The following SAE1 variants were observed in gnomAD, a reference collection of about 807,000 sequenced individuals.
SAE1 encodes the protein SUMO-activating enzyme subunit 1.
SAE1 carries 11 observed loss-of-function variants against 40.6 expected under a neutral mutation model. The ratio of observed to expected loss-of-function variants is 0.27; its 90% CI spans 0.17 to 0.45. SAE1 has a LOEUF of 0.45. SAE1 is among the 20% of genes least tolerant of loss of function. The probability of loss-of-function intolerance (pLI) is 1.00; values close to 1 mark genes in which losing one functional copy is unlikely to be tolerated. For synonymous variants in SAE1, 155 were observed against 154.3 expected, an observed-to-expected ratio of 1.00 and a Z score of -0.03; for missense variants, 373 against 427.3, an observed-to-expected ratio of 0.87 and a Z score of 1.12.
chr19:47,138,608 T>C (rs1007529233), intron 1 of SAE1, among the ~76,000 whole-genome samples: 2 of 152,222 alleles, frequency 1.3e-5, no homozygotes, highest in Non-Finnish European at 2.9e-5. Flanking sequence ...ATGTCCTAAA[T>C]GCCAAGGAAG....
intron 6 of SAE1, among the ~76,000 whole-genome samples, chr19:47,175,096 A>C (rs1245909109): frequency 1.3e-5 from 2 of 150,310 alleles, no homozygotes; most frequent in African/African-American, 4.9e-5. Context: ...AATAATTTAA[A>C]AGTGGCCTTG....
intron 1 of SAE1, among the ~76,000 whole-genome samples, chr19:47,133,605 G>T (rs1283128925): frequency 2.6e-5 from 4 of 152,164 alleles, no homozygotes; most frequent in Admixed American, 6.6e-5. Context: ...CTGGACTGTT[G>T]CAGTAATCCA....
intron 1 of SAE1, among the ~76,000 whole-genome samples, chr19:47,137,696 C>G (rs1430098781): frequency 6.7e-6 from 1 of 148,412 alleles, no homozygotes; most frequent in Non-Finnish European, 1.5e-5. Flanking sequence ...CCGTAACACT[C>G]AGCTGATTGT....
chr19:47,194,219 C>T (rs1474973200), intron 6 of SAE1, among the ~76,000 whole-genome samples: 3 of 152,140 alleles, frequency 2.0e-5, no homozygotes, highest in African/African-American at 7.2e-5. Flanking sequence ...AAGTAAGTGC[C>T]AGGCTGGTGG....
At chr19:47,174,293 C>CTTTTTTT in intron 6 of SAE1, among the ~76,000 whole-genome samples, 1 of 144,040 alleles carries the variant, frequency 6.9e-6, no homozygotes, top group Admixed American at 7.0e-5. Flanking sequence ...TTTCTTTTTT[C>CTTTTTTT]TTTTTCTTTT....
In SAE1 at chr19:47,209,167, T is replaced by A. The variant is rs2058700327; in HGVS notation, c.957T>A (p.Ser319=). Residue 319 remains serine (S), a synonymous_variant, in exon 9 of 9, where the codon TCT becomes TCA. Transcript: ENST00000270225. ...ILAQEIVKAL[S]QRDPPHNNFF... is the part of the protein sequence containing the mutation. ...TTCATTTTTCTCCCCAGGCCCTGTC[T>A]CAGCGGGACCCTCCTCACAACAACT... 2 of 1,613,788 alleles carry A rather than the reference T, an allele frequency of 1.2e-6. No individual in the cohort carries two copies. The highest frequency in any genetic ancestry group is 2.7e-5 in the African/African-American group (2 of 74,856).
At chr19:47,195,177 CCTGA>C (rs2058606096) in intron 6 of SAE1, among the ~76,000 whole-genome samples, 1 of 151,570 alleles carries the variant, frequency 6.6e-6, no homozygotes, top group East Asian at 1.9e-4. Flanking sequence ...GCCTCAGCCT[CCTGA>C]CTAAGTGGGA....
chr19:47,187,382 TTTC>T (rs1275128213), intron 6 of SAE1, among the ~76,000 whole-genome samples: 1 of 152,204 alleles, frequency 6.6e-6, no homozygotes, highest in Non-Finnish European at 1.5e-5. Context: ...CTGCTGCTTT[TTTC>T]TTTTTTTCTT....
rs57870733 is a variant in SAE1, at chr19:47,154,480, CTTTTTTTTTTTTT to C, written c.528-616_528-604del. Among the ~76,000 whole-genome samples, 278 of 51,626 alleles carry C rather than the reference CTTTTTTTTTTTTT, an allele frequency of 5.4e-3. 4 individuals are homozygous for C. Among genetic ancestry groups the C allele is most frequent in the African/African-American group, 0.012 (144 of 12,002 alleles). 33.9% of individuals were successfully genotyped at this position (51,626 alleles called of 152,430 possible). A position where few individuals can be genotyped will look rare whatever the true frequency, so the allele number is the denominator to read the frequency against. On this transcript the variant is annotated intron_variant, in intron 4 of 8. Coordinates refer to ENST00000270225, the MANE Select transcript of SAE1 (RefSeq NM_005500.3). ...AGCAGAGGGGCAGAATTAAGTTTGG[CTTTTTTTTTTTTT>C]TTTTTTTTTTTTTTTTTCTGAGACA...
In SAE1 at chr19:47,150,391, T is replaced by TA; in HGVS notation, c.384+20dup. Reference sequence around the variant, plus strand: ...ATTCGATGCTGTAAGTTTCTTATTATAAAATCTGCTGTGGGAATTAAACAA... The same window carrying TA: ...ATTCGATGCTGTAAGTTTCTTATTATAAAAATCTGCTGTGGGAATTAAACAA... On this transcript the variant is annotated intron_variant, in intron 3 of 8. Transcript: ENST00000270225. 6.3e-7 allele frequency: 1 copy of TA among 1,586,612 alleles called. No homozygotes were observed. Among genetic ancestry groups the TA allele is most frequent in the Non-Finnish European group, 8.6e-7 (1 of 1,164,446 alleles).
intron 5 of SAE1, among the ~76,000 whole-genome samples, chr19:47,165,076 CTTTTTTTTTTTTTTTTTT>C (rs769656956): frequency 1.7e-5 from 1 of 59,074 alleles, no homozygotes; most frequent in Non-Finnish European, 2.8e-5. Flanking sequence ...TGAGCCAAGT[CTTTTTTTTTTTTTTTTTT>C]TTTTTTTGAG....
chr19:47,184,786 G>GT (rs2058533545), intron 6 of SAE1, among the ~76,000 whole-genome samples: 1 of 147,694 alleles, frequency 6.8e-6, no homozygotes, highest in Non-Finnish European at 1.5e-5. Flanking sequence ...GGTTTTTTTT[G>GT]TTTTTGTTTT....
At chr19:47,148,762 G>GT (rs2058269456) in intron 2 of SAE1, among the ~76,000 whole-genome samples, 1 of 151,460 alleles carries the variant, frequency 6.6e-6, no homozygotes, top group African/African-American at 2.4e-5. Flanking sequence ...TTACAGGCGT[G>GT]TGCCACCACG....
At chr19:47,160,505 C>T (rs555844124) in intron 5 of SAE1, among the ~76,000 whole-genome samples, 48 of 150,870 alleles carry the variant, frequency 3.2e-4, no homozygotes, top group African/African-American at 1.1e-3. Context: ...TGCCGTTCTC[C>T]TGCCTCAGCC....
At chr19:47,149,032 TGA>T (rs1197638380) in intron 2 of SAE1, among the ~76,000 whole-genome samples, 3 of 152,090 alleles carry the variant, frequency 2.0e-5, no homozygotes, top group African/African-American at 7.2e-5. Flanking sequence ...TGTTGTTTTT[TGA>T]GAGAGGGCCT....
At chr19:47,177,575 G>T (rs2058478058) in intron 6 of SAE1, among the ~76,000 whole-genome samples, 1 of 152,106 alleles carries the variant, frequency 6.6e-6, no homozygotes, top group South Asian at 2.1e-4. Flanking sequence ...TTGCTATGTT[G>T]CCCAGGCTGG....
chr19:47,155,517 A>G (rs1006770233), intron 5 of SAE1, among the ~76,000 whole-genome samples: 1 of 151,970 alleles, frequency 6.6e-6, no homozygotes, highest in Non-Finnish European at 1.5e-5. Context: ...CTGGAGTGCA[A>G]TGGCATGATC....
At position 47,181,780 on chromosome 19, in the gene SAE1, C is replaced by CTT. The variant is rs36107839; in HGVS notation, c.733+11877_733+11878dup. Reference sequence around the variant, plus strand: ...AAGTGTGAGCCAGTGCACCTGGCCTCTTTTTTTTTTTTTTTTTTTTTAATT... The same window carrying CTT: ...AAGTGTGAGCCAGTGCACCTGGCCTCTTTTTTTTTTTTTTTTTTTTTTTAATT... On this transcript the variant is annotated intron_variant, in intron 6 of 8. Coordinates refer to ENST00000270225, the MANE Select transcript of SAE1 (RefSeq NM_005500.3). Among the ~76,000 whole-genome samples the CTT allele has an allele frequency of 6.0e-3, 581 of 96,492 alleles. 3 individuals are homozygous for CTT. Among genetic ancestry groups the CTT allele is most frequent in the East Asian group, 8.5e-3 (28 of 3,286 alleles). 63.3% of individuals were successfully genotyped at this position (96,492 alleles called of 152,430 possible). A position where few individuals can be genotyped will look rare whatever the true frequency, so the allele number is the denominator to read the frequency against.
rs529524104 is a variant in SAE1 at position 47,180,540 on chromosome 19, G to C, written c.733+10617G>C. 2.1e-3 allele frequency among the ~76,000 whole-genome samples: 323 copies of C among 151,922 alleles called. 1 individual carries two copies. Among genetic ancestry groups the C allele is most frequent in the African/African-American group, 7.2e-3 (300 of 41,402 alleles). Reference sequence around the variant, plus strand: ...CAGTGTAGATGTTTCCTTATCAGATGCTTTTATGCTATGCCTGGTGGCTCA... The same window carrying C: ...CAGTGTAGATGTTTCCTTATCAGATCCTTTTATGCTATGCCTGGTGGCTCA... On this transcript the variant is annotated intron_variant, in intron 6 of 8. Transcript: ENST00000270225.
Sources: gnomAD v4.1 joint callset for allele counts (sites outside exome capture counted in the v4.1 genomes callset) on GRCh38, gnomAD v4.1.1 for gene constraint, MANE v1.5 for transcripts, NCBI Gene and HGNC (gene_info 2026-07-23, HGNC 2026-07-21) for gene names.